TTBK2: variants seen among roughly 807,000 people sequenced by gnomAD.
The protein encoded by TTBK2 is tau tubulin kinase 2, also known as tau-tubulin kinase 2.
In TTBK2, 28 loss-of-function variants were observed where a neutral mutation model predicts 110.8. That is an observed-to-expected ratio of 0.25 (90% CI 0.19 to 0.35). TTBK2 has a LOEUF of 0.35. Ranked by LOEUF, TTBK2 falls within the 10% of genes least tolerant of loss-of-function variation. The pLI, the probability that TTBK2 is intolerant of heterozygous loss-of-function variation, is 1.00. For synonymous variants in TTBK2, 532 were observed against 527.3 expected, an observed-to-expected ratio of 1.01 and a Z score of -0.12; for missense variants, 1,369 against 1,500.3, an observed-to-expected ratio of 0.91 and a Z score of 1.45.
intron 13 of TTBK2, among the ~76,000 whole-genome samples, chr15:42,760,015 A>G (rs79877075): frequency 0.059 from 9,045 of 152,260 alleles, 785 homozygotes; most frequent in African/African-American, 0.18. Flanking sequence ...TTAAATCAGA[A>G]AAACAATTCA....
At chr15:42,893,745 GA>G (rs1895558219) in intron 1 of TTBK2, among the ~76,000 whole-genome samples, 1 of 151,560 alleles carries the variant, frequency 6.6e-6, no homozygotes. Flanking sequence ...GGAAATCTGG[GA>G]AAAAAGAACT....
chr15:42,910,379 G>T (rs542450534), intron 1 of TTBK2, among the ~76,000 whole-genome samples: 1 of 152,100 alleles, frequency 6.6e-6, no homozygotes, highest in Non-Finnish European at 1.5e-5. Flanking sequence ...TCCTAATAGA[G>T]TACACATTTC....
intron 7 of TTBK2, among the ~76,000 whole-genome samples, chr15:42,815,183 A>G (rs961965923): frequency 7.2e-5 from 11 of 152,136 alleles, no homozygotes; most frequent in Non-Finnish European, 1.2e-4. Flanking sequence ...TTTCAAGACA[A>G]AGTAAATAAG....
At chr15:42,761,844 T>G (rs1915241) in intron 13 of TTBK2, among the ~76,000 whole-genome samples, 62,383 of 152,124 alleles carry the variant, frequency 0.41, 18,540 homozygotes, top group African/African-American at 0.84. Context: ...ATACAGTGTT[T>G]GTGGGTGTAA....
At chr15:42,854,366 C>A (rs1893847002) in intron 3 of TTBK2, among the ~76,000 whole-genome samples, 1 of 152,140 alleles carries the variant, frequency 6.6e-6, no homozygotes, top group Non-Finnish European at 1.5e-5. Context: ...TAAAAAGATA[C>A]ACTAAATATA....
chr15:42,852,739 C>T (rs7177501), intron 3 of TTBK2, among the ~76,000 whole-genome samples: 10,231 of 152,110 alleles, frequency 0.067, 934 homozygotes, highest in African/African-American at 0.2. Context: ...AGGAGAAAAA[C>T]GTGAAAATGA....
intron 4 of TTBK2, among the ~76,000 whole-genome samples, chr15:42,837,251 C>T (rs907612728): frequency 6.6e-6 from 1 of 150,504 alleles, no homozygotes; most frequent in African/African-American, 2.4e-5. Flanking sequence ...CCAGCTACAC[C>T]GGAGGCTGAG....
chr15:42,891,829 T>C (rs1895468623), intron 1 of TTBK2, among the ~76,000 whole-genome samples: 1 of 152,124 alleles, frequency 6.6e-6, no homozygotes, highest in Non-Finnish European at 1.5e-5. Context: ...AAAATTTGAG[T>C]GGCTTGTGGC....
At chr15:42,783,289 G>T in intron 11 of TTBK2, 130 bp downstream of exon 11, 1 of 820,622 alleles carries the variant, frequency 1.2e-6, no homozygotes, top group Non-Finnish European at 2.1e-6. Flanking sequence ...TCTACCACAT[G>T]AGGACTCAGC....
chr15:42,890,227 C>A (rs913711207), intron 1 of TTBK2, among the ~76,000 whole-genome samples: 6 of 152,210 alleles, frequency 3.9e-5, no homozygotes, highest in Non-Finnish European at 7.3e-5. Flanking sequence ...CCTGTAAGAA[C>A]TAATGATAAT....
intron 13 of TTBK2, among the ~76,000 whole-genome samples, chr15:42,768,988 C>T (rs1010412551): frequency 2.6e-5 from 4 of 152,034 alleles, no homozygotes; most frequent in African/African-American, 9.7e-5. Flanking sequence ...TTTGACAAAC[C>T]CGACAAAAAC....
intron 1 of TTBK2, among the ~76,000 whole-genome samples, chr15:42,918,531 C>T (rs2031205372): frequency 6.6e-6 from 1 of 152,124 alleles, no homozygotes; most frequent in Non-Finnish European, 1.5e-5. Flanking sequence ...CTGCCCCCCA[C>T]CAAAGTGAAA....
chr15:42,758,825 C>A lies in TTBK2; in HGVS notation c.1999-5578G>T, dbSNP rs965429071. ...CCCTCACTGCCACTGCAAACACCTACAATCCTTACTACAAGAGAAACCAAC... is the reference window on the plus strand; with the variant it reads ...CCCTCACTGCCACTGCAAACACCTAAAATCCTTACTACAAGAGAAACCAAC... On this transcript the variant is annotated intron_variant, in intron 13 of 14. Coordinates refer to ENST00000267890, the MANE Select transcript of TTBK2 (RefSeq NM_173500.4). 2.6e-5 allele frequency among the ~76,000 whole-genome samples: 4 copies of A among 152,120 alleles called. 1 individual carries two copies. The highest frequency in any genetic ancestry group is 9.7e-5 in the African/African-American group (4 of 41,418).
chr15:42,814,229 C>A (rs756854514), intron 7 of TTBK2, among the ~76,000 whole-genome samples: 2 of 152,000 alleles, frequency 1.3e-5, no homozygotes, highest in Non-Finnish European at 2.9e-5. Flanking sequence ...ACCATGTTGG[C>A]CAGGCTCAAG....
chr15:42,771,051 G>A (rs1223622557), intron 13 of TTBK2, among the ~76,000 whole-genome samples: 1 of 150,430 alleles, frequency 6.6e-6, no homozygotes, highest in Non-Finnish European at 1.5e-5. Context: ...TCGGCTCACT[G>A]CAACCTCCGG....
chr15:42,769,878 A>T (rs1265895909), intron 13 of TTBK2, among the ~76,000 whole-genome samples: 1 of 152,316 alleles, frequency 6.6e-6, no homozygotes, highest in Non-Finnish European at 1.5e-5. Flanking sequence ...GATAGACTGG[A>T]TTAAGAAAAT....
At chr15:42,776,461 T>C (rs1889927254) in intron 12 of TTBK2, among the ~76,000 whole-genome samples, 3 of 152,264 alleles carry the variant, frequency 2.0e-5, no homozygotes, top group South Asian at 2.1e-4. Flanking sequence ...TCTTTACCTA[T>C]GTATATAGAT....
intron 13 of TTBK2, among the ~76,000 whole-genome samples, chr15:42,763,165 T>C (rs1465568625): frequency 2.0e-3 from 25 of 12,776 alleles, no homozygotes; most frequent in African/African-American, 8.8e-3. Context: ...TACATATATA[T>C]ATATATATAT....
intron 13 of TTBK2, among the ~76,000 whole-genome samples, chr15:42,761,307 G>A (rs1163199460): frequency 6.6e-6 from 1 of 151,890 alleles, no homozygotes; most frequent in Non-Finnish European, 1.5e-5. Context: ...AAAAGCACAG[G>A]CAACAAAAAA....
Sources: allele counts gnomAD v4.1 joint callset (sites outside exome capture counted in the v4.1 genomes callset), GRCh38; gene constraint gnomAD v4.1.1; transcripts MANE v1.5; gene names NCBI Gene and HGNC (gene_info 2026-07-23, HGNC 2026-07-21).